Variants in SIRPB2 observed in about 807,000 individuals in gnomAD.
The protein encoded by SIRPB2 is signal-regulatory protein beta-2.
In SIRPB2, 18 loss-of-function variants were observed where a neutral mutation model predicts 27.1. That is an observed-to-expected ratio of 0.66 (90% CI 0.46 to 0.98). The LOEUF is 0.98. Among genes scored for constraint, SIRPB2 ranks in the 50% least tolerant of loss-of-function variants. The pLI is 0.00. For missense variants in SIRPB2, 420 were observed against 417.4 expected, an observed-to-expected ratio of 1.01 and a Z score of -0.06; for synonymous variants, 150 against 164.6, an observed-to-expected ratio of 0.91 and a Z score of 0.68.
chr20:1,478,377 G>C lies in SIRPB2; in HGVS notation c.682C>G (p.Leu228Val). Reference sequence around the variant, plus strand: ...TCCTCACTGGAGACGTTTTGCAGAAGAATGCTGAAGTCATTGTTGGAGGCC... The same window carrying C: ...TCCTCACTGGAGACGTTTTGCAGAACAATGCTGAAGTCATTGTTGGAGGCC... The part of the protein sequence containing the change: ...VQASNNDFSI[L>V]LQNVSSEDAG... The change falls in exon 3 of 5, where the codon CTT becomes GTT. Residue 228 changes from leucine (L) to valine (V), a missense_variant. Coordinates refer to ENST00000359801, the MANE Select transcript of SIRPB2 (RefSeq NM_001122962.2). 6.2e-7 allele frequency: 1 copy of C among 1,614,206 alleles called. No homozygotes were observed. Among genetic ancestry groups the C allele is most frequent in the Non-Finnish European group, 8.5e-7 (1 of 1,180,040 alleles).
chr20:1,483,434 A>G (rs559358954), intron 1 of SIRPB2, among the ~76,000 whole-genome samples: 10 of 152,208 alleles, frequency 6.6e-5, no homozygotes, highest in Admixed American at 2.6e-4. Flanking sequence ...AACAATAGCC[A>G]TTCTAACTGG....
At chr20:1,486,382 A>G (rs1291812235) in intron 1 of SIRPB2, among the ~76,000 whole-genome samples, 7 of 151,996 alleles carry the variant, frequency 4.6e-5, no homozygotes, top group African/African-American at 1.2e-4. Flanking sequence ...CAAATTTTCC[A>G]TATCTTTAAG....
At chr20:1,473,851 T>G (rs1394140462), downstream of SIRPB2, 2 of 456,196 alleles carry the variant, frequency 4.4e-6, no homozygotes, top group African/African-American at 4.0e-5. Context: ...CCGTGGCCGC[T>G]GTAACAGATC....
downstream of SIRPB2, chr20:1,470,967 A>G (rs776914548): frequency 3.9e-5 from 6 of 152,156 alleles, no homozygotes; most frequent in Non-Finnish European, 8.8e-5. Flanking sequence ...AAACACTGCT[A>G]CTGCTGTTTT....
intron 1 of SIRPB2, among the ~76,000 whole-genome samples, chr20:1,490,420 G>A (rs2090766602): frequency 6.6e-6 from 1 of 152,184 alleles, no homozygotes; most frequent in Non-Finnish European, 1.5e-5. Context: ...AGCCCACTGA[G>A]AGCCAAGTAT....
intron 1 of SIRPB2, among the ~76,000 whole-genome samples, chr20:1,488,197 C>A (rs1410831346): frequency 6.6e-6 from 1 of 151,978 alleles, no homozygotes; most frequent in African/African-American, 2.4e-5. Flanking sequence ...ATATATCTGG[C>A]AAAATATTTG....
intron 1 of SIRPB2, among the ~76,000 whole-genome samples, chr20:1,481,776 A>T (rs1201011950): frequency 6.6e-6 from 1 of 152,130 alleles, no homozygotes; most frequent in African/African-American, 2.4e-5. Flanking sequence ...TGATGTCCTT[A>T]GTTCCAAGAA....
intron 1 of SIRPB2, among the ~76,000 whole-genome samples, chr20:1,482,452 A>C (rs552483154): frequency 1.3e-5 from 2 of 152,022 alleles, no homozygotes; most frequent in South Asian, 4.2e-4. Flanking sequence ...CTTCCGTGAG[A>C]TCATTTTTAG....
chr20:1,485,697 A>T (rs1007805356), intron 1 of SIRPB2, among the ~76,000 whole-genome samples: 14 of 151,820 alleles, frequency 9.2e-5, no homozygotes, highest in African/African-American at 3.4e-4. Flanking sequence ...AGAAGAAGAA[A>T]ATCTTTGAGA....
At chr20:1,483,977 G>A (rs1312971626) in intron 1 of SIRPB2, among the ~76,000 whole-genome samples, 1 of 152,012 alleles carries the variant, frequency 6.6e-6, no homozygotes, top group African/African-American at 2.4e-5. Context: ...ATGTGTATTG[G>A]TATAATAGAC....
In SIRPB2 at chr20:1,480,020, G is replaced by T. The variant is rs760135819; in HGVS notation, c.131C>A (p.Pro44His). 4.3e-6 allele frequency: 7 copies of T among 1,613,812 alleles called. No individual in the cohort carries two copies. The highest frequency in any genetic ancestry group is 2.2e-5 in the East Asian group (1 of 44,884). ...SSRNDWQVLQ[P>H]EGPMLVAEGE... ...TTCTGCCACCAGCATGGGGCCCTCG[G>T]GCTGTAGCACCTGCCAGTCATTCCT... The change falls in exon 2 of 5, where the codon CCC (proline) becomes CAC (histidine). Residue 44 changes from proline (P) to histidine (H), a missense_variant. By Grantham distance (77) the Pro-to-His change is moderately conservative. Coordinates refer to ENST00000359801, the MANE Select transcript of SIRPB2 (RefSeq NM_001122962.2).
At chr20:1,477,180 T>G in intron 4 of SIRPB2, 158 bp downstream of exon 4, 2 of 1,599,012 alleles carry the variant, frequency 1.3e-6, no homozygotes, top group Non-Finnish European at 1.7e-6. Flanking sequence ...CATGGTTCTC[T>G]GGGGTCCTAG....
downstream of SIRPB2, chr20:1,473,962 G>A (rs1313501016): frequency 3.7e-5 from 16 of 436,908 alleles, no homozygotes; most frequent in Non-Finnish European, 7.4e-5. Flanking sequence ...CACTTCCTCC[G>A]GAGGCTCCAG....
chr20:1,487,491 A>G (rs1192696026), intron 1 of SIRPB2, among the ~76,000 whole-genome samples: 1 of 152,264 alleles, frequency 6.6e-6, no homozygotes, highest in Non-Finnish European at 1.5e-5. Flanking sequence ...TTGAAAAAGA[A>G]TAAAGTTAGA....
chr20:1,473,803 G>T (rs985789389), downstream of SIRPB2: 15 of 456,104 alleles, frequency 3.3e-5, no homozygotes, highest in African/African-American at 3.0e-4. Flanking sequence ...TCCAGTTAGT[G>T]GAGAACCACC....
chr20:1,487,866 G>C (rs1031952143), intron 1 of SIRPB2, among the ~76,000 whole-genome samples: 1 of 152,068 alleles, frequency 6.6e-6, no homozygotes, highest in South Asian at 2.1e-4. Flanking sequence ...TTTCAACAAT[G>C]GTGCAAGAAC....
At chr20:1,489,456 C>T (rs779468450) in intron 1 of SIRPB2, among the ~76,000 whole-genome samples, 3 of 152,198 alleles carry the variant, frequency 2.0e-5, no homozygotes, top group Non-Finnish European at 2.9e-5. Context: ...GAAGGAAGCA[C>T]TCAGAAAGTC....
chr20:1,488,647 C>CAA (rs34434587), intron 1 of SIRPB2, among the ~76,000 whole-genome samples: 1 of 148,388 alleles, frequency 6.7e-6, no homozygotes, highest in African/African-American at 2.5e-5. Flanking sequence ...GACCCTGTCT[C>CAA]AAAAAAAAAA....
intron 4 of SIRPB2, chr20:1,476,775 C>A: frequency 1.9e-6 from 2 of 1,043,400 alleles, no homozygotes; most frequent in Non-Finnish European, 2.3e-6. Flanking sequence ...GCAAATCTGA[C>A]CACATCTATC....
Sources: gnomAD v4.1 joint callset for allele counts (sites outside exome capture counted in the v4.1 genomes callset) on GRCh38, gnomAD v4.1.1 for gene constraint, MANE v1.5 for transcripts, NCBI Gene and HGNC (gene_info 2026-07-23, HGNC 2026-07-21) for gene names.